RBPJ: variants seen among roughly 807,000 people sequenced by gnomAD.
RBPJ encodes recombining binding protein suppressor of hairless.
Under a neutral mutation model 67.8 loss-of-function variants are expected in RBPJ, and 9 were observed. The observed-to-expected ratio is 0.13, with a 90% CI of 0.08 to 0.23. The LOEUF is 0.23. Among genes scored for constraint, RBPJ ranks in the 10% least tolerant of loss-of-function variants. The probability of loss-of-function intolerance (pLI) is 1.00; values close to 1 mark genes in which losing one functional copy is unlikely to be tolerated. For synonymous variants in RBPJ, 198 were observed against 203.3 expected (o/e 0.97, Z 0.22); for missense variants, 305 against 595.6 (o/e 0.51, Z 5.08).
chr4:26,378,522 A>G (rs1362834288), intron 1 of RBPJ, among the ~76,000 whole-genome samples: 1 of 152,190 alleles, frequency 6.6e-6, no homozygotes, highest in Non-Finnish European at 1.5e-5. Context: ...ATTTGGAAAG[A>G]CATTAACTAA....
chr4:26,379,168 A>T (rs1730063179), intron 1 of RBPJ, among the ~76,000 whole-genome samples: 1 of 151,826 alleles, frequency 6.6e-6, no homozygotes, highest in African/African-American at 2.4e-5. Context: ...ACCCCATAGG[A>T]TGTGGGTTTT....
At chr4:26,192,861 G>A (rs564458458) in intron 1 of RBPJ, among the ~76,000 whole-genome samples, 18 of 152,282 alleles carry the variant, frequency 1.2e-4, no homozygotes, top group South Asian at 8.3e-4. Flanking sequence ...CTGCAAATAC[G>A]TCACCAAAGG....
At chr4:26,362,538 C>G in intron 1 of RBPJ, 1 of 1,602,624 alleles carries the variant, frequency 6.2e-7, no homozygotes. Context: ...GATACAGATA[C>G]ACTGGCTGAG....
chr4:26,330,503 A>G (rs918771356), intron 1 of RBPJ, among the ~76,000 whole-genome samples: 3 of 152,156 alleles, frequency 2.0e-5, no homozygotes, highest in African/African-American at 7.2e-5. Flanking sequence ...CTGTACCTAT[A>G]TTTTTTGAAG....
chr4:26,306,510 C>A (rs1007530125), intron 1 of RBPJ, among the ~76,000 whole-genome samples: 1 of 151,530 alleles, frequency 6.6e-6, no homozygotes, highest in South Asian at 2.1e-4. Context: ...AGTGCAATGG[C>A]GCGATCTCCG....
chr4:26,346,713 G>T (rs1726185689), intron 1 of RBPJ, among the ~76,000 whole-genome samples: 1 of 152,126 alleles, frequency 6.6e-6, no homozygotes, highest in South Asian at 2.1e-4. Context: ...TATTGGCCGG[G>T]CGCTGCGGCT....
At chr4:26,366,740 G>T (rs1205598247) in intron 1 of RBPJ, among the ~76,000 whole-genome samples, 2 of 151,860 alleles carry the variant, frequency 1.3e-5, no homozygotes, top group Non-Finnish European at 2.9e-5. Flanking sequence ...AATATTTAAA[G>T]GTTCATACAT....
intron 1 of RBPJ, among the ~76,000 whole-genome samples, chr4:26,356,241 T>A (rs2109469569): frequency 6.6e-6 from 1 of 152,320 alleles, no homozygotes; most frequent in South Asian, 2.1e-4. Context: ...TGTGAGTACT[T>A]TTAGCTAGGG....
At chr4:26,135,786 G>A in the RBPJ span, among the ~76,000 whole-genome samples, 2 of 152,164 alleles carry the variant, frequency 1.3e-5, no homozygotes, top group African/African-American at 4.8e-5. Context: ...AACAGCCTCT[G>A]ACATAGGAAC....
intron 2 of RBPJ, among the ~76,000 whole-genome samples, chr4:26,390,605 T>C (rs1577590946): frequency 6.6e-6 from 1 of 152,246 alleles, no homozygotes; most frequent in East Asian, 1.9e-4. Flanking sequence ...CAATGGGAAA[T>C]TGGAATTTGA....
chr4:26,168,587 T>G (rs1716416733), intron 1 of RBPJ, among the ~76,000 whole-genome samples: 1 of 152,206 alleles, frequency 6.6e-6, no homozygotes, highest in Admixed American at 6.5e-5. Flanking sequence ...CTTTGTGGTG[T>G]TCTCTGTATT....
intron 1 of RBPJ, among the ~76,000 whole-genome samples, chr4:26,203,118 G>A (rs890492317): frequency 6.6e-6 from 1 of 152,152 alleles, no homozygotes; most frequent in African/African-American, 2.4e-5. Context: ...GCTAAAAAGG[G>A]TCTATCTGTT....
upstream of RBPJ, chr4:26,319,754 T>G: frequency 1.0e-6 from 1 of 990,324 alleles, no homozygotes; most frequent in Non-Finnish European, 1.6e-6. Context: ...GCGCCAATCC[T>G]GCAGCGCCTT....
chr4:26,129,106 T>A, the RBPJ span, among the ~76,000 whole-genome samples: 1 of 152,240 alleles, frequency 6.6e-6, no homozygotes, highest in East Asian at 1.9e-4. Context: ...ACTTACATTG[T>A]CTCACTTCAT....
chr4:26,309,016 A>C (rs894346361), intron 1 of RBPJ, among the ~76,000 whole-genome samples: 2 of 151,770 alleles, frequency 1.3e-5, no homozygotes, highest in Non-Finnish European at 2.9e-5. Flanking sequence ...TCAATTTATT[A>C]TCCACATAAT....
chr4:26,237,089 C>T (rs554584816), intron 1 of RBPJ, among the ~76,000 whole-genome samples: 1 of 152,246 alleles, frequency 6.6e-6, no homozygotes, highest in Admixed American at 6.5e-5. Context: ...ATCTGGGTGC[C>T]GGGCTCCTGA....
chr4:26,375,086 G>A (rs571921641), intron 1 of RBPJ, among the ~76,000 whole-genome samples: 75 of 151,844 alleles, frequency 4.9e-4, no homozygotes, highest in Admixed American at 2.5e-3. Flanking sequence ...GGGGATCACC[G>A]GAGCTCAGGA....
chr4:26,239,292 G>T (rs1452516654), intron 1 of RBPJ, among the ~76,000 whole-genome samples: 1 of 152,190 alleles, frequency 6.6e-6, no homozygotes, highest in African/African-American at 2.4e-5. Context: ...CCGCTGCCTG[G>T]AGCAGGTTTA....
the RBPJ span, among the ~76,000 whole-genome samples, chr4:26,147,510 A>G: frequency 6.6e-6 from 1 of 152,252 alleles, no homozygotes; most frequent in Non-Finnish European, 1.5e-5. Context: ...AGCCTCGGTC[A>G]CCAGCTTACA....
Sources: allele counts gnomAD v4.1 joint callset (sites outside exome capture counted in the v4.1 genomes callset), GRCh38; gene constraint gnomAD v4.1.1; transcripts MANE v1.5; gene names NCBI Gene and HGNC (gene_info 2026-07-23, HGNC 2026-07-21).